Variants in PHLPP1 observed in about 807,000 individuals in gnomAD.
PHLPP1 encodes PH domain leucine-rich repeat-containing protein phosphatase 1.
Under a neutral mutation model 117.2 loss-of-function variants are expected in PHLPP1, and 42 were observed. The observed-to-expected ratio is 0.36, with a 90% CI of 0.28 to 0.46. The LOEUF is 0.46. Among genes scored for constraint, PHLPP1 ranks in the 20% least tolerant of loss-of-function variants. PHLPP1 has a pLI of 1.00. For synonymous variants in PHLPP1, 1,042 were observed against 970.7 expected, an observed-to-expected ratio of 1.07 and a Z score of -1.37; for missense variants, 2,084 against 2,241.9, an observed-to-expected ratio of 0.93 and a Z score of 1.42.
chr18:62,952,625 T>C (rs114457288), intron 12 of PHLPP1, among the ~76,000 whole-genome samples: 2,856 of 152,278 alleles, frequency 0.019, 92 homozygotes, highest in African/African-American at 0.064. Context: ...AGTAATTATA[T>C]ACAAATATGA....
At chr18:62,743,309 T>G (rs1568100421) in intron 1 of PHLPP1, among the ~76,000 whole-genome samples, 1 of 151,506 alleles carries the variant, frequency 6.6e-6, no homozygotes, top group Non-Finnish European at 1.5e-5. Flanking sequence ...TTTTTTAGAA[T>G]TTTTTTTTAT....
At chr18:62,790,017 A>T (rs548827508) in intron 1 of PHLPP1, among the ~76,000 whole-genome samples, 61 of 152,294 alleles carry the variant, frequency 4.0e-4, no homozygotes, top group African/African-American at 1.3e-3. Context: ...TAGTGATTTC[A>T]TGGGCTATTA....
At chr18:62,945,297 T>C (rs779165859) in intron 12 of PHLPP1, 26 bp downstream of exon 12, 9 of 1,567,310 alleles carry the variant, frequency 5.7e-6, no homozygotes, top group Non-Finnish European at 6.9e-6. Flanking sequence ...TCATAAACTC[T>C]AAGCTTCAGG....
chr18:62,769,691 A>G (rs1433298923), intron 1 of PHLPP1, among the ~76,000 whole-genome samples: 1 of 152,228 alleles, frequency 6.6e-6, no homozygotes, highest in African/African-American at 2.4e-5. Flanking sequence ...GAACAGCTTT[A>G]TTAGAATACT....
intron 4 of PHLPP1, among the ~76,000 whole-genome samples, chr18:62,866,299 C>T (rs1423305512): frequency 6.6e-6 from 1 of 150,840 alleles, no homozygotes; most frequent in Non-Finnish European, 1.5e-5. Context: ...AGCGGGAGTG[C>T]AATGGTGCGA....
intron 1 of PHLPP1, among the ~76,000 whole-genome samples, chr18:62,767,301 T>A (rs1324083720): frequency 6.6e-6 from 1 of 152,218 alleles, no homozygotes; most frequent in Non-Finnish European, 1.5e-5. Flanking sequence ...TGCCACAATG[T>A]TATTTGGCCT....
rs569001218 is a variant in PHLPP1, at chr18:62,900,413, C to A, written c.2445-2551C>A. 4.1e-5 allele frequency among the ~76,000 whole-genome samples: 4 copies of A among 98,672 alleles called. No individual in the cohort carries two copies. The East Asian group carries it at 8.9e-4, about 22-fold the overall frequency. The allele number at this position is 98,672 out of a possible 152,430, so 64.7% of individuals were successfully genotyped here. On this transcript the variant is annotated intron_variant, in intron 6 of 16. Transcript: ENST00000262719. The stretch of plus-strand genomic sequence containing the variant: ...ACAATATGTTGTAGTTGTTTGTATT[C>A]TTGTTTTTTCTTTTTCTTTCTTTTT...
intron 1 of PHLPP1, among the ~76,000 whole-genome samples, chr18:62,726,117 TAC>T (rs146915477): frequency 6.5e-4 from 97 of 149,348 alleles, no homozygotes; most frequent in South Asian, 1.5e-3. Context: ...TATGTGTATA[TAC>T]ACACACACAC....
In PHLPP1 at chr18:62,975,508, C is replaced by G; in HGVS notation, c.3867C>G (p.Gly1289=). The change falls in exon 16 of 17, where the codon GGC becomes GGG. Residue 1289 remains glycine (G), a synonymous_variant. Coordinates refer to ENST00000262719, the MANE Select transcript of PHLPP1 (RefSeq NM_194449.4). ...TCACCTTGACCTCTGCTAATGTGGG[C>G]AAGTGCCAAACAGTTCTCTGTCGAA... The part of the protein sequence containing the change: ...GSFTLTSANV[G]KCQTVLCRNG... 6.2e-7 allele frequency: 1 copy of G among 1,613,502 alleles called. No homozygotes were observed. Among genetic ancestry groups the G allele is most frequent in the Non-Finnish European group, 8.5e-7 (1 of 1,179,418 alleles).
rs550356564 is a variant in PHLPP1, at chr18:62,946,311, G to A, written c.3324+1040G>A. On this transcript the variant is annotated intron_variant, in intron 12 of 16. Transcript: ENST00000262719. ...AGTTTCACTCTTGTTGCCCAGGCTGGAGTGCAATGGTGCAATCTTGGCTCA... is the reference window on the plus strand; with the variant it reads ...AGTTTCACTCTTGTTGCCCAGGCTGAAGTGCAATGGTGCAATCTTGGCTCA... 4.9e-3 allele frequency among the ~76,000 whole-genome samples: 739 copies of A among 152,200 alleles called. 4 individuals are homozygous for A. The highest frequency in any genetic ancestry group is 0.017 in the African/African-American group (705 of 41,516).
intron 4 of PHLPP1, among the ~76,000 whole-genome samples, chr18:62,866,628 A>G (rs531705389): frequency 6.0e-4 from 92 of 152,330 alleles, no homozygotes; most frequent in Admixed American, 1.9e-3. Flanking sequence ...TGAGTATTTC[A>G]TAATAATCCA....
At chr18:62,768,605 C>T (rs2144262220) in intron 1 of PHLPP1, among the ~76,000 whole-genome samples, 1 of 152,286 alleles carries the variant, frequency 6.6e-6, no homozygotes, top group Non-Finnish European at 1.5e-5. Context: ...AGTCACTAAA[C>T]CTTACCCAGA....
At chr18:62,819,651 A>T (rs1456749495) in intron 1 of PHLPP1, among the ~76,000 whole-genome samples, 2 of 152,134 alleles carry the variant, frequency 1.3e-5, no homozygotes, top group African/African-American at 4.8e-5. Flanking sequence ...TTATTTTATT[A>T]TTATTTATTT....
chr18:62,781,947 G>A (rs147551059), intron 1 of PHLPP1, among the ~76,000 whole-genome samples: 1 of 152,292 alleles, frequency 6.6e-6, no homozygotes, highest in East Asian at 1.9e-4. Flanking sequence ...TTGTAAGAAA[G>A]TGCCAGTTGC....
At position 62,819,017 on chromosome 18, in the gene PHLPP1, A is replaced by G. The variant is rs139280422; in HGVS notation, c.1577-11018A>G. ...TGTACAATAGATGTATGTGTTAGAC[A>G]AAGTAAAATGTAGTAAAATAATTAG... is the stretch of plus-strand genomic sequence containing the variant. On this transcript the variant is annotated intron_variant, in intron 1 of 16. Coordinates refer to ENST00000262719, the MANE Select transcript of PHLPP1 (RefSeq NM_194449.4). 4.6e-5 allele frequency among the ~76,000 whole-genome samples: 7 copies of G among 152,364 alleles called. No homozygotes were observed. In the South Asian group the frequency reaches 8.3e-4, roughly 18 times the overall value.
intron 3 of PHLPP1, among the ~76,000 whole-genome samples, chr18:62,849,824 A>ATATATATAT (rs1450269021): frequency 8.9e-5 from 4 of 44,758 alleles, no homozygotes; most frequent in African/African-American, 1.9e-4. Context: ...AAAAAAAAAA[A>ATATATATAT]AAAAAAAAAT....
intron 1 of PHLPP1, among the ~76,000 whole-genome samples, chr18:62,766,072 A>ATATATATATAT (rs1197342415): frequency 4.9e-5 from 1 of 20,210 alleles, no homozygotes; most frequent in Admixed American, 6.3e-4. Context: ...AAAAAAAAAA[A>ATATATATATAT]AAAAATATAT....
intron 3 of PHLPP1, among the ~76,000 whole-genome samples, chr18:62,841,372 G>A (rs1185260644): frequency 8.2e-6 from 1 of 122,386 alleles, no homozygotes; most frequent in Non-Finnish European, 1.6e-5. Context: ...TCGCTCTGTC[G>A]CCCAGGCTGG....
chr18:62,851,514 G>A (rs1034360864), intron 3 of PHLPP1, among the ~76,000 whole-genome samples: 21 of 152,142 alleles, frequency 1.4e-4, no homozygotes, highest in African/African-American at 5.1e-4. Flanking sequence ...AGGCTGGAGT[G>A]CAGTGGTGCG....
Sources: allele counts gnomAD v4.1 joint callset (sites outside exome capture counted in the v4.1 genomes callset), GRCh38; gene constraint gnomAD v4.1.1; transcripts MANE v1.5; gene names NCBI Gene and HGNC (gene_info 2026-07-23, HGNC 2026-07-21).